Variants in RTRAF observed in about 807,000 individuals in gnomAD.
The protein encoded by RTRAF is RNA transcription, translation and transport factor.
RTRAF carries 14 observed loss-of-function variants against 34.4 expected under a neutral mutation model. The observed-to-expected ratio is 0.41, with a 90% CI of 0.27 to 0.64. The LOEUF (loss-of-function observed/expected upper bound fraction) is 0.64. Among genes scored for constraint, RTRAF ranks in the 30% least tolerant of loss-of-function variants. The pLI is 0.34. For missense variants in RTRAF, 291 were observed against 288.4 expected, an observed-to-expected ratio of 1.01 and a Z score of -0.06; for synonymous variants, 96 against 95.3, an observed-to-expected ratio of 1.01 and a Z score of -0.04.
intron 2 of RTRAF, 99 bp from the exon 3 acceptor site, chr14:51,993,624 A>C (rs573267727): frequency 1.7e-4 from 120 of 691,926 alleles, no homozygotes; most frequent in Non-Finnish European, 2.6e-4. Flanking sequence ...AAAAATTGTT[A>C]GAGATCCAAA....
chr14:51,991,795 G>A (rs780018858), intron 2 of RTRAF, among the ~76,000 whole-genome samples: 1 of 152,184 alleles, frequency 6.6e-6, no homozygotes, highest in Admixed American at 6.5e-5. Flanking sequence ...GGCTAGGTGT[G>A]ATGGCTAACA....
Position 52,005,599 on chromosome 14 carries a change from A to ATTGTGTATAAACT in RTRAF, c.*1083_*1084insTTGTGTATAAACT. On this transcript the variant is annotated 3_prime_UTR_variant, in exon 8 of 8. Transcript: ENST00000261700. ...TTTTGTGTATAAACTAGGTAGATTT[A>ATTGTGTATAAACT]AGGTAGTAAAGACTGGCCCTCAGGG... 6.8e-7 allele frequency: 1 copy of ATTGTGTATAAACT among 1,475,000 alleles called. No individual in the cohort carries two copies. The highest frequency in any genetic ancestry group is 9.4e-7 in the Non-Finnish European group (1 of 1,064,794). 91.4% of individuals were successfully genotyped at this position (1,475,000 alleles called of 1,614,324 possible).
At chr14:52,002,468 CAG>C (rs780810772) in intron 6 of RTRAF, among the ~76,000 whole-genome samples, 6 of 152,136 alleles carry the variant, frequency 3.9e-5, no homozygotes, top group Non-Finnish European at 5.9e-5. Flanking sequence ...GGTGAAGGGA[CAG>C]GGGGTTCTGT....
chr14:52,004,679 A>G lies in RTRAF; in HGVS notation c.*163A>G. 1 of 606,466 alleles carries G rather than the reference A, an allele frequency of 1.6e-6. No homozygotes were observed. Among genetic ancestry groups the G allele is most frequent in the Non-Finnish European group, 2.7e-6 (1 of 366,670 alleles). 37.6% of individuals were successfully genotyped at this position (606,466 alleles called of 1,614,324 possible). A position where few individuals can be genotyped will look rare whatever the true frequency, so the allele number is the denominator to read the frequency against. The stretch of plus-strand genomic sequence containing the variant: ...TTGCTTATTGCTTTTTTCTTTAATA[A>G]AGTTTAGGAAAGTAGAATTTTTATT... On this transcript the variant is annotated 3_prime_UTR_variant, in exon 8 of 8. Transcript: ENST00000261700.
chr14:51,999,672 G>T (rs1296005223), intron 4 of RTRAF, 36 bp from the exon 5 acceptor site: 8 of 1,377,094 alleles, frequency 5.8e-6, no homozygotes, highest in African/African-American at 5.7e-5. Flanking sequence ...ACGTTTGCAG[G>T]GTTGTAAGTT....
At position 52,009,962 on chromosome 14, in the gene RTRAF, C is replaced by T. The variant is rs1315560580; in HGVS notation, c.*5446C>T. ...AGACTGTGCCACTGCACCCCAGCCT[C>T]GGCAACAAAGCAAGACCTTGTCTCA... On this transcript the variant is annotated 3_prime_UTR_variant, in exon 8 of 8. Transcript: ENST00000261700. 2 of 151,264 alleles carry T rather than the reference C, an allele frequency of 1.3e-5. No individual in the cohort carries two copies. Among genetic ancestry groups the T allele is most frequent in the African/African-American group, 2.4e-5 (1 of 41,050 alleles). The allele number at this position is 151,264 out of a possible 1,614,324, so 9.4% of individuals were successfully genotyped here. A position where few individuals can be genotyped will look rare whatever the true frequency, so the allele number is the denominator to read the frequency against.
At chr14:51,996,182 A>G (rs1890519266) in intron 3 of RTRAF, among the ~76,000 whole-genome samples, 1 of 152,146 alleles carries the variant, frequency 6.6e-6, no homozygotes, top group Non-Finnish European at 1.5e-5. Flanking sequence ...TTCAATATTG[A>G]AAAAGGAAGT....
chr14:52,010,584 T>C lies in RTRAF; in HGVS notation c.*6068T>C, dbSNP rs1151577. 0.012 allele frequency: 2,971 copies of C among 250,170 alleles called. 87 individuals are homozygous for C. Among genetic ancestry groups the C allele is most frequent in the African/African-American group, 0.06 (2,742 of 45,816 alleles). 15.5% of individuals were successfully genotyped at this position (250,170 alleles called of 1,614,324 possible). A position where few individuals can be genotyped will look rare whatever the true frequency, so the allele number is the denominator to read the frequency against. ...CCTCGCCTGATCATTTGATTCAGAG[T>C]AGCCCTAGTTCTCACAACACTATCT... On this transcript the variant is annotated 3_prime_UTR_variant, in exon 8 of 8. Coordinates refer to ENST00000261700, the MANE Select transcript of RTRAF (RefSeq NM_016039.3).
chr14:51,996,537 G>C (rs1890524067), intron 3 of RTRAF, among the ~76,000 whole-genome samples: 1 of 151,990 alleles, frequency 6.6e-6, no homozygotes, highest in Admixed American at 6.6e-5. Context: ...TTACAAAATA[G>C]TACAAAGATT....
intron 1 of RTRAF, among the ~76,000 whole-genome samples, chr14:51,990,712 A>G (rs764364578): frequency 2.0e-5 from 3 of 152,212 alleles, no homozygotes; most frequent in Non-Finnish European, 2.9e-5. Flanking sequence ...CAAAAGAGGT[A>G]TGGGGAGGAT....
At chr14:52,002,180 C>G (rs897010503) in intron 6 of RTRAF, among the ~76,000 whole-genome samples, 2 of 152,204 alleles carry the variant, frequency 1.3e-5, no homozygotes, top group Non-Finnish European at 2.9e-5. Context: ...ATGAAACTTA[C>G]TGGATTATTT....
intron 6 of RTRAF, among the ~76,000 whole-genome samples, chr14:52,003,099 GTT>G (rs1430047371): frequency 6.6e-6 from 1 of 152,100 alleles, no homozygotes; most frequent in East Asian, 1.9e-4. Flanking sequence ...GTAAAATTTA[GTT>G]TTATTTTTAA....
Position 52,004,438 on chromosome 14 carries a change from C to T in RTRAF, c.657C>T (p.Ile219=), listed in dbSNP as rs541879996. 2.5e-6 allele frequency: 4 copies of T among 1,613,978 alleles called. No individual in the cohort carries two copies. The East Asian group carries it at 8.9e-5, about 36-fold the overall frequency. Reference sequence around the variant, plus strand: ...AGCTCAGAGAGCTACAGACAAAAATCAACGAAGCCATAGTAGCTGTTCAGG... The same window carrying T: ...AGCTCAGAGAGCTACAGACAAAAATTAACGAAGCCATAGTAGCTGTTCAGG... ...IEELRELQTK[I]NEAIVAVQAI... is the part of the protein sequence containing the mutation. Residue 219 remains isoleucine (I), a synonymous_variant, in exon 8 of 8, where the codon ATC becomes ATT. Transcript: ENST00000261700.
rs1200919156 is a variant in RTRAF, at chr14:52,006,641, A to G, written c.*2125A>G. 1 of 1,613,712 alleles carries G rather than the reference A, an allele frequency of 6.2e-7. No individual in the cohort carries two copies. The highest frequency in any genetic ancestry group is 1.1e-5 in the South Asian group (1 of 91,060). ...GCCGTCCAGTTCCATCAGGTAGTGT[A>G]CACTCCAGTTTTTTGGTTCCTTTTA... On this transcript the variant is annotated 3_prime_UTR_variant, in exon 8 of 8. Transcript: ENST00000261700.
At chr14:51,989,797 G>T (rs1404125162) in intron 1 of RTRAF, 97 bp downstream of exon 1, 1 of 1,321,396 alleles carries the variant, frequency 7.6e-7, no homozygotes, top group Non-Finnish European at 1.0e-6. Flanking sequence ...GACCCTCGGC[G>T]GCCTGGTTTC....
chr14:51,996,334 G>A (rs537257037), intron 3 of RTRAF, among the ~76,000 whole-genome samples: 26 of 152,136 alleles, frequency 1.7e-4, no homozygotes, highest in African/African-American at 6.3e-4. Context: ...GGTAGGAGGC[G>A]CTGATGTTCT....
chr14:52,006,751 G>GAAAT lies in RTRAF; in HGVS notation c.*2237_*2240dup. 1 of 1,375,554 alleles carries GAAAT rather than the reference G, an allele frequency of 7.3e-7. No individual in the cohort carries two copies. Among genetic ancestry groups the GAAAT allele is most frequent in the Non-Finnish European group, 1.0e-6 (1 of 986,260 alleles). The allele number at this position is 1,375,554 out of a possible 1,614,324, so 85.2% of individuals were successfully genotyped here. On this transcript the variant is annotated 3_prime_UTR_variant, in exon 8 of 8. Coordinates refer to ENST00000261700, the MANE Select transcript of RTRAF (RefSeq NM_016039.3). ...GATAGTGACACAGTGATAGAATGGG[G>GAAAT]AAATAGGATATTTTACTTCCATTAC...
chr14:51,994,631 A>G (rs1890489130), intron 3 of RTRAF, among the ~76,000 whole-genome samples: 1 of 152,186 alleles, frequency 6.6e-6, no homozygotes, highest in Non-Finnish European at 1.5e-5. Context: ...TGGCCAACCA[A>G]GCTAACTTTC....
Position 52,004,534 on chromosome 14 carries a change from C to A in RTRAF, c.*18C>A. Reference sequence around the variant, plus strand: ...GAAGATGAACACTTGAGGACTTCAGCTTCTCACCTACTTAGTACAGTTGGG... The same window carrying A: ...GAAGATGAACACTTGAGGACTTCAGATTCTCACCTACTTAGTACAGTTGGG... On this transcript the variant is annotated 3_prime_UTR_variant, in exon 8 of 8. Coordinates refer to ENST00000261700, the MANE Select transcript of RTRAF (RefSeq NM_016039.3). 6.2e-7 allele frequency: 1 copy of A among 1,604,190 alleles called. No homozygotes were observed. The highest frequency in any genetic ancestry group is 8.5e-7 in the Non-Finnish European group (1 of 1,176,618).
Sources: allele counts gnomAD v4.1 joint callset (sites outside exome capture counted in the v4.1 genomes callset), GRCh38; gene constraint gnomAD v4.1.1; transcripts MANE v1.5; gene names NCBI Gene and HGNC (gene_info 2026-07-23, HGNC 2026-07-21).